Variants in TFB1M observed in about 807,000 individuals in gnomAD.
TFB1M encodes dimethyladenosine transferase 1, mitochondrial.
Under a neutral mutation model 31.1 loss-of-function variants are expected in TFB1M, and 27 were observed. The observed-to-expected ratio is 0.87, with a 90% CI of 0.64 to 1.20. The LOEUF (loss-of-function observed/expected upper bound fraction) is 1.20. TFB1M is among the 50% of genes most tolerant of loss of function. TFB1M has a pLI of 0.00. For synonymous variants in TFB1M, 166 were observed against 151.8 expected (o/e 1.09, Z -0.69); for missense variants, 394 against 418.7 (o/e 0.94, Z 0.51).
chr6:155,265,710 T>C (rs1414672907), intron 5 of TFB1M, among the ~76,000 whole-genome samples: 2 of 146,004 alleles, frequency 1.4e-5, no homozygotes, highest in East Asian at 3.9e-4. Flanking sequence ...AAATATTAAA[T>C]ATATTTATAT....
chr6:155,251,990 T>C, downstream of TFB1M: 1 of 1,605,152 alleles, frequency 6.2e-7, no homozygotes. Context: ...AACTGCAAAC[T>C]GAAAAAGAAA....
At chr6:155,241,016 A>G in the TFB1M span, among the ~76,000 whole-genome samples, 1 of 152,238 alleles carries the variant, frequency 6.6e-6, no homozygotes, top group African/African-American at 2.4e-5. Flanking sequence ...CTGGTTTAGT[A>G]TAAGGGGAGA....
rs373320347 is a variant in TFB1M at position 155,260,264 on chromosome 6, C to G, written c.794+9G>C. The G allele has an allele frequency of 6.2e-7, 1 of 1,614,054 alleles. No homozygotes were observed. Among genetic ancestry groups the G allele is most frequent in the Non-Finnish European group, 8.5e-7 (1 of 1,179,966 alleles). On this transcript the variant is annotated intron_variant, in intron 6 of 6. Transcript: ENST00000367166. ...GACTGCAACTGAAGAGAAGAAAAGG[C>G]ATTCTTACCTGAGCCCTCGATGGCA...
chr6:155,312,958 G>A (rs1215693072), intron 1 of TFB1M, among the ~76,000 whole-genome samples: 1 of 152,082 alleles, frequency 6.6e-6, no homozygotes, highest in Admixed American at 6.6e-5. Context: ...ATTAAAAGAT[G>A]AGGAAACTAC....
At position 155,275,685 on chromosome 6, in the gene TFB1M, G is replaced by A. The variant is rs937153854; in HGVS notation, c.666+9473C>T. 4.5e-6 allele frequency: 7 copies of A among 1,568,974 alleles called. No individual in the cohort carries two copies. The African/African-American group carries it at 9.5e-5, about 21-fold the overall frequency. Reference sequence around the variant, plus strand: ...TGACAGCCATCATTGTTAAACATCAGGATTTTCTAAGAGGACAGACTTAAC... The same window carrying A: ...TGACAGCCATCATTGTTAAACATCAAGATTTTCTAAGAGGACAGACTTAAC... On this transcript the variant is annotated intron_variant, in intron 5 of 6. Transcript: ENST00000367166.
At chr6:155,232,524 T>G in the TFB1M span, 2 of 152,256 alleles carry the variant, frequency 1.3e-5, no homozygotes, top group African/African-American at 4.8e-5. Context: ...ATTTTGTATT[T>G]TTTCTAGCAT....
the TFB1M span, among the ~76,000 whole-genome samples, chr6:155,231,759 T>A: frequency 6.6e-6 from 1 of 152,222 alleles, no homozygotes; most frequent in Non-Finnish European, 1.5e-5. Flanking sequence ...AGTCCAGATG[T>A]GCAGGATCCA....
chr6:155,314,364 A>G lies in TFB1M; in HGVS notation c.65T>C (p.Ile22Thr), dbSNP rs2114828101. Residue 22 changes from isoleucine to threonine, a missense_variant, in exon 1 of 7, where the codon ATT (isoleucine) becomes ACT (threonine). Coordinates refer to ENST00000367166, the MANE Select transcript of TFB1M (RefSeq NM_016020.4). ...LPPLPTIREI[I>T]KLLRLQAAKQ... Reference sequence around the variant, plus strand: ...CGCTGCTTGCAGTCTTAACAACTTAATGATTTCTCGAATCGTGGGCAACGG... The same window carrying G: ...CGCTGCTTGCAGTCTTAACAACTTAGTGATTTCTCGAATCGTGGGCAACGG... The G allele has an allele frequency of 6.2e-7, 1 of 1,614,198 alleles. No homozygotes were observed. Among genetic ancestry groups the G allele is most frequent in the East Asian group, 2.2e-5 (1 of 44,870 alleles).
intron 2 of TFB1M, among the ~76,000 whole-genome samples, chr6:155,310,043 A>T (rs939957630): frequency 1.3e-5 from 2 of 152,160 alleles, no homozygotes; most frequent in Non-Finnish European, 2.9e-5. Context: ...TAGGTTTCTT[A>T]AAAAAATCAG....
In TFB1M at chr6:155,256,460, C is replaced by T. The variant is rs200250900; in HGVS notation, c.*1376G>A. The T allele has an allele frequency of 3.5e-5, 56 of 1,613,744 alleles. No homozygotes were observed. The highest frequency in any genetic ancestry group is 2.3e-4 in the South Asian group (21 of 90,952). ...TGTGTAACCTGTTTCTGTATCACAGCGAAATGTGTTTTTCTCACTGTAGCT... is the reference window on the plus strand; with the variant it reads ...TGTGTAACCTGTTTCTGTATCACAGTGAAATGTGTTTTTCTCACTGTAGCT... On this transcript the variant is annotated 3_prime_UTR_variant, in exon 7 of 7. Coordinates refer to ENST00000367166, the MANE Select transcript of TFB1M (RefSeq NM_016020.4).
At chr6:155,268,486 A>G (rs1188201317) in intron 5 of TFB1M, among the ~76,000 whole-genome samples, 1 of 152,232 alleles carries the variant, frequency 6.6e-6, no homozygotes, top group Non-Finnish European at 1.5e-5. Flanking sequence ...AAGGTGTGGT[A>G]TTGTTATTTC....
chr6:155,230,167 C>T, the TFB1M span, among the ~76,000 whole-genome samples: 2 of 152,246 alleles, frequency 1.3e-5, no homozygotes, highest in East Asian at 3.9e-4. Flanking sequence ...GAACTCACCT[C>T]CAGGTGGGTC....
intron 5 of TFB1M, among the ~76,000 whole-genome samples, chr6:155,283,347 T>A (rs1776474276): frequency 6.6e-6 from 1 of 151,998 alleles, no homozygotes; most frequent in Non-Finnish European, 1.5e-5. Flanking sequence ...TACAAATAAA[T>A]CCCCTGTATG....
chr6:155,240,783 A>G, the TFB1M span: 2 of 1,487,212 alleles, frequency 1.3e-6, no homozygotes, highest in Admixed American at 3.7e-5. Flanking sequence ...AGAGGTCCCC[A>G]GATCACCTCT....
At chr6:155,251,032 CAT>C in the TFB1M span, 3 of 1,609,518 alleles carry the variant, frequency 1.9e-6, no homozygotes, top group Admixed American at 3.3e-5. Flanking sequence ...GTTAGTATTC[CAT>C]TCAGAAGAAT....
chr6:155,285,590 A>G (rs1389289560), intron 4 of TFB1M, among the ~76,000 whole-genome samples: 1 of 152,234 alleles, frequency 6.6e-6, no homozygotes, highest in Non-Finnish European at 1.5e-5. Context: ...TACATAAAAC[A>G]AGCAATCAAT....
chr6:155,271,589 T>C (rs912149004), intron 5 of TFB1M, among the ~76,000 whole-genome samples: 1 of 152,178 alleles, frequency 6.6e-6, no homozygotes, highest in African/African-American at 2.4e-5. Context: ...AATGATTATT[T>C]TGAAAATTAA....
In TFB1M at chr6:155,314,443, ACCATCCAAC is replaced by A; in HGVS notation, c.-24_-16del. The A allele has an allele frequency of 6.2e-7, 1 of 1,614,044 alleles. No homozygotes were observed. ...GAGGCAGCCATGATACGCGGCAAGCACCATCCAACCCTACCTCACCCAGGACCTTCACCG... is the reference window on the plus strand; with the variant it reads ...GAGGCAGCCATGATACGCGGCAAGCACCTACCTCACCCAGGACCTTCACCG... On this transcript the variant is annotated 5_prime_UTR_variant, in exon 1 of 7. The change abolishes an upstream ATG in the 5' untranslated region. Coordinates refer to ENST00000367166, the MANE Select transcript of TFB1M (RefSeq NM_016020.4).
chr6:155,273,899 G>A (rs1355654942), intron 5 of TFB1M, among the ~76,000 whole-genome samples: 3 of 152,126 alleles, frequency 2.0e-5, no homozygotes, highest in Non-Finnish European at 2.9e-5. Flanking sequence ...AAGGAAGGAA[G>A]AGAAAAAGGG....
Sources: gnomAD v4.1 joint callset for allele counts (sites outside exome capture counted in the v4.1 genomes callset) on GRCh38, gnomAD v4.1.1 for gene constraint, MANE v1.5 for transcripts, NCBI Gene and HGNC (gene_info 2026-07-23, HGNC 2026-07-21) for gene names.